The following LGR5 variants were observed in gnomAD, a reference collection of about 807,000 sequenced individuals.
LGR5 encodes the protein leucine-rich repeat-containing G protein-coupled receptor 5.
In LGR5, 54 loss-of-function variants were observed where a neutral mutation model predicts 76.7. The ratio of observed to expected loss-of-function variants is 0.70; its 90% CI spans 0.57 to 0.88. The LOEUF (loss-of-function observed/expected upper bound fraction) is 0.88, where lower values mean the gene tolerates loss of function less well. LGR5 is among the 40% of genes least tolerant of loss of function. The probability of loss-of-function intolerance (pLI) is 0.00; values close to 1 mark genes in which losing one functional copy is unlikely to be tolerated. For missense variants in LGR5, 1,078 were observed against 1,073.3 expected (o/e 1.00, Z -0.06); for synonymous variants, 406 against 421.9 (o/e 0.96, Z 0.46).
rs73138518 is a variant in LGR5, at chr12:71,442,252, C to T, written c.212+1960C>T. Among the ~76,000 whole-genome samples, 419 of 152,300 alleles carry T rather than the reference C, an allele frequency of 2.8e-3. 1 individual carries two copies. The highest frequency in any genetic ancestry group is 4.8e-3 in the Non-Finnish European group (329 of 68,038). Reference sequence around the variant, plus strand: ...CATAAAATTCTGCTTTAAACCATTTCCCACATACCTCAAATGCATTTAACT... The same window carrying T: ...CATAAAATTCTGCTTTAAACCATTTTCCACATACCTCAAATGCATTTAACT... On this transcript the variant is annotated intron_variant, in intron 1 of 17. Transcript: ENST00000266674.
chr12:71,464,751 T>C (rs1344115248), intron 1 of LGR5, among the ~76,000 whole-genome samples: 1 of 152,196 alleles, frequency 6.6e-6, no homozygotes, highest in Non-Finnish European at 1.5e-5. Context: ...ATTTTAATAG[T>C]GATATTTAAT....
rs1004034424 is a variant in LGR5, at chr12:71,544,489, T to C, written c.429-8584T>C. Among the ~76,000 whole-genome samples the C allele has an allele frequency of 1.1e-3, 172 of 149,910 alleles. 1 individual carries two copies. Among genetic ancestry groups the C allele is most frequent in the African/African-American group, 4.0e-3 (164 of 41,124 alleles). On this transcript the variant is annotated intron_variant, in intron 4 of 17. Transcript: ENST00000266674. Reference sequence around the variant, plus strand: ...TATCTTCCTAGATAGGCTTAATATCTCCCTGGATATTAATTTGGAATCACA... The same window carrying C: ...TATCTTCCTAGATAGGCTTAATATCCCCCTGGATATTAATTTGGAATCACA...
At chr12:71,472,852 A>G (rs1873159025) in intron 1 of LGR5, among the ~76,000 whole-genome samples, 1 of 152,212 alleles carries the variant, frequency 6.6e-6, no homozygotes, top group Non-Finnish European at 1.5e-5. Flanking sequence ...TGTGTTACAC[A>G]TGGCATATGA....
At chr12:71,457,406 G>A (rs1463717584) in intron 1 of LGR5, among the ~76,000 whole-genome samples, 1 of 152,000 alleles carries the variant, frequency 6.6e-6, no homozygotes, top group Non-Finnish European at 1.5e-5. Context: ...TCTATGGGCT[G>A]GTTAAAAGTA....
At chr12:71,455,435 C>A (rs1872431764) in intron 1 of LGR5, among the ~76,000 whole-genome samples, 2 of 152,144 alleles carry the variant, frequency 1.3e-5, no homozygotes, top group African/African-American at 4.8e-5. Flanking sequence ...CACACCCACA[C>A]CCACTCCCAT....
rs781567446 is a variant in LGR5, at chr12:71,566,825, G to A, written c.999-16G>A. ...TGCCTGAATGAAAGAATTATGTCTG[G>A]TTTGTGTTTTAACAGGACTTTAACT... On this transcript the variant is annotated splice_polypyrimidine_tract_variant and intron_variant, in intron 10 of 17. Coordinates refer to ENST00000266674, the MANE Select transcript of LGR5 (RefSeq NM_003667.4). 6.2e-7 allele frequency: 1 copy of A among 1,610,926 alleles called. No individual in the cohort carries two copies. The highest frequency in any genetic ancestry group is 1.1e-5 in the South Asian group (1 of 91,008).
chr12:71,454,195 A>G (rs1872368463), intron 1 of LGR5, among the ~76,000 whole-genome samples: 1 of 151,898 alleles, frequency 6.6e-6, no homozygotes. Flanking sequence ...TGAAATCAAG[A>G]GAGCAGGTCT....
chr12:71,520,021 C>T (rs1875650106), intron 2 of LGR5, among the ~76,000 whole-genome samples: 1 of 151,786 alleles, frequency 6.6e-6, no homozygotes, highest in Non-Finnish European at 1.5e-5. Flanking sequence ...CATAGAACCA[C>T]CATTTGACCC....
At chr12:71,536,164 A>G (rs1381833743) in intron 4 of LGR5, among the ~76,000 whole-genome samples, 1 of 152,244 alleles carries the variant, frequency 6.6e-6, no homozygotes, top group Non-Finnish European at 1.5e-5. Flanking sequence ...AGGAAGATAA[A>G]TGCATTAAAA....
rs551517765 is a variant in LGR5 at position 71,493,214 on chromosome 12, T to C, written c.213-11400T>C. 3.1e-4 allele frequency among the ~76,000 whole-genome samples: 47 copies of C among 151,504 alleles called. 1 individual carries two copies. Among genetic ancestry groups the C allele is most frequent in the Middle Eastern group, 6.8e-3 (2 of 294 alleles). On this transcript the variant is annotated intron_variant, in intron 1 of 17. Transcript: ENST00000266674. ...TCCAGCAGTTTTTCGGCTATTTTTC[T>C]GGCATCTTTTTTACCATCCCTAGAA...
chr12:71,524,160 G>A (rs1053472138), intron 2 of LGR5, among the ~76,000 whole-genome samples: 14 of 152,158 alleles, frequency 9.2e-5, no homozygotes, highest in African/African-American at 3.4e-4. Context: ...ATGTACATAT[G>A]GTATAAGCTA....
intron 12 of LGR5, among the ~76,000 whole-genome samples, chr12:71,572,136 T>G (rs1337613810): frequency 6.7e-6 from 1 of 149,144 alleles, no homozygotes; most frequent in Non-Finnish European, 1.5e-5. Context: ...CAGGCCGGAG[T>G]GCATGGCGTG....
chr12:71,517,709 TC>T, intron 2 of LGR5, among the ~76,000 whole-genome samples: 1 of 152,354 alleles, frequency 6.6e-6, no homozygotes. Context: ...TTGAGTCTGA[TC>T]AATTAAGCTG....
At chr12:71,482,915 T>C (rs1873671670) in intron 1 of LGR5, among the ~76,000 whole-genome samples, 1 of 152,214 alleles carries the variant, frequency 6.6e-6, no homozygotes, top group African/African-American at 2.4e-5. Context: ...CATCTTCATA[T>C]ATCACACACA....
chr12:71,572,298 G>C (rs934494914), intron 12 of LGR5, among the ~76,000 whole-genome samples: 4 of 152,096 alleles, frequency 2.6e-5, no homozygotes, highest in Admixed American at 6.6e-5. Flanking sequence ...TGGCCAGGCT[G>C]CTCTCGAACT....
intron 1 of LGR5, 44 bp from the exon 2 acceptor site, chr12:71,504,570 G>T: frequency 6.9e-7 from 1 of 1,448,298 alleles, no homozygotes; most frequent in Non-Finnish European, 9.7e-7. Context: ...TTTCCTTGTG[G>T]TGGCATTTGC....
At chr12:71,530,512 A>G (rs1876251644) in intron 3 of LGR5, among the ~76,000 whole-genome samples, 1 of 152,236 alleles carries the variant, frequency 6.6e-6, no homozygotes, top group South Asian at 2.1e-4. Context: ...GAATGAAGAC[A>G]GCAGCAGCCA....
chr12:71,530,504 A>C (rs1411882796), intron 3 of LGR5, among the ~76,000 whole-genome samples: 1 of 152,236 alleles, frequency 6.6e-6, no homozygotes, highest in Admixed American at 6.5e-5. Context: ...AAGATGGAGA[A>C]TGAAGACAGC....
intron 1 of LGR5, among the ~76,000 whole-genome samples, chr12:71,460,199 T>C (rs1872635127): frequency 6.6e-6 from 1 of 151,954 alleles, no homozygotes; most frequent in Non-Finnish European, 1.5e-5. Context: ...TGAAAGCATG[T>C]GGAAGGAAAT....
Sources: allele counts gnomAD v4.1 joint callset (sites outside exome capture counted in the v4.1 genomes callset), GRCh38; gene constraint gnomAD v4.1.1; transcripts MANE v1.5; gene names NCBI Gene and HGNC (gene_info 2026-07-23, HGNC 2026-07-21).